The following FUBP3 variants were observed in gnomAD, a reference collection of about 807,000 sequenced individuals.
The protein encoded by FUBP3 is far upstream element-binding protein 3.
FUBP3 carries 28 observed loss-of-function variants against 85.6 expected under a neutral mutation model. The ratio of observed to expected loss-of-function variants is 0.33; its 90% CI spans 0.24 to 0.45. The LOEUF (loss-of-function observed/expected upper bound fraction) is 0.45. FUBP3 is among the 20% of genes least tolerant of loss of function. The pLI, the probability that FUBP3 is intolerant of heterozygous loss-of-function variation, is 1.00. For synonymous variants in FUBP3, 271 were observed against 271.4 expected (o/e 1.00, Z 0.01); for missense variants, 583 against 755.1 (o/e 0.77, Z 2.67).
chr9:130,598,093 C>A (rs1830959144), intron 2 of FUBP3, among the ~76,000 whole-genome samples: 1 of 152,222 alleles, frequency 6.6e-6, no homozygotes, highest in Non-Finnish European at 1.5e-5. Context: ...AAGTGAGATT[C>A]TGGACCTACT....
chr9:130,596,595 C>T (rs1298182686), intron 2 of FUBP3: 4 of 380,974 alleles, frequency 1.0e-5, no homozygotes, highest in South Asian at 1.9e-5. Flanking sequence ...CTCCTGGGCT[C>T]GAGTGATCCT....
At chr9:130,593,294 C>T (rs552238832) in intron 1 of FUBP3, among the ~76,000 whole-genome samples, 4 of 152,298 alleles carry the variant, frequency 2.6e-5, no homozygotes, top group Admixed American at 2.0e-4. Flanking sequence ...TTAACTTCCC[C>T]CAGCTGCTGA....
chr9:130,623,463 T>A (rs1278414433), intron 10 of FUBP3, 148 bp from the exon 11 acceptor site: 1 of 599,010 alleles, frequency 1.7e-6, no homozygotes, highest in Non-Finnish European at 3.0e-6. Flanking sequence ...ATCACCCACA[T>A]CACTCCAAAA....
At chr9:130,603,204 G>A (rs1327787368) in intron 2 of FUBP3, among the ~76,000 whole-genome samples, 1 of 152,042 alleles carries the variant, frequency 6.6e-6, no homozygotes, top group Non-Finnish European at 1.5e-5. Flanking sequence ...AAAATTAGCT[G>A]GATGTGGTGG....
chr9:130,603,346 C>CAAAAA (rs1588132389), intron 2 of FUBP3, among the ~76,000 whole-genome samples: 2 of 34,888 alleles, frequency 5.7e-5, no homozygotes, highest in East Asian at 2.1e-3. Context: ...GACTCTGTCT[C>CAAAAA]CAAAAAAAAA....
intron 6 of FUBP3, among the ~76,000 whole-genome samples, chr9:130,615,538 A>C (rs1175066320): frequency 6.6e-6 from 1 of 151,460 alleles, no homozygotes; most frequent in Non-Finnish European, 1.5e-5. Context: ...TTAGAGAATC[A>C]ATACGAGAAA....
intron 12 of FUBP3, among the ~76,000 whole-genome samples, chr9:130,626,786 A>C (rs553329608): frequency 6.6e-6 from 1 of 152,272 alleles, no homozygotes; most frequent in East Asian, 1.9e-4. Flanking sequence ...CTTGGTGAAA[A>C]GATACCTTGC....
chr9:130,605,938 C>T (rs867670026), intron 2 of FUBP3, among the ~76,000 whole-genome samples: 6 of 140,130 alleles, frequency 4.3e-5, no homozygotes, highest in Non-Finnish European at 6.6e-5. Flanking sequence ...GAGCCGAGAT[C>T]GCGCCGCTGC....
Position 130,612,340 on chromosome 9 carries a change from C to A in FUBP3, c.225-116C>A. 1.5e-6 allele frequency: 1 copy of A among 664,800 alleles called. No homozygotes were observed. The allele number at this position is 664,800 out of a possible 1,614,324, so 41.2% of individuals were successfully genotyped here. ...TGGTGGATTTGTTGGCCAAATTGGC[C>A]TGATGTATTTTAAGCTTTTATCATG... is the stretch of plus-strand genomic sequence containing the variant. On this transcript the variant is annotated intron_variant, in intron 3 of 18. Coordinates refer to ENST00000319725, the MANE Select transcript of FUBP3 (RefSeq NM_003934.2). The surrounding 1 kb of genome is among the most constrained non-coding windows in gnomAD (Gnocchi z 4.1).
chr9:130,631,569 G>A lies in FUBP3; in HGVS notation c.1291G>A (p.Gly431Arg), dbSNP rs549143328. The A allele has an allele frequency of 2.4e-5, 38 of 1,613,898 alleles. No homozygotes were observed. The African/African-American group carries it at 3.1e-4, about 13-fold the overall frequency. The change falls in exon 14 of 19, where the codon GGA becomes AGA. Residue 431 changes from glycine to arginine, a missense_variant. This residue lies in a region of FUBP3 where 404 missense variants were observed against 516.8 expected (regional missense o/e 0.78). Transcript: ENST00000319725. ...IDEKVGGTNLGAPGAFGQSPF... is the reference protein window; with the variant it reads ...IDEKVGGTNLRAPGAFGQSPF... Reference sequence around the variant, plus strand: ...TGTGCCCCCACAGGGGACCAATCTCGGAGCACCTGGAGCCTTCGGACAGAG... The same window carrying A: ...TGTGCCCCCACAGGGGACCAATCTCAGAGCACCTGGAGCCTTCGGACAGAG...
intron 9 of FUBP3, 62 bp from the exon 10 acceptor site, chr9:130,622,645 AG>A: frequency 1.3e-6 from 1 of 743,184 alleles, no homozygotes; most frequent in South Asian, 1.8e-5. Flanking sequence ...AAAAAAAAAA[AG>A]TGCCCTTTAA....
At chr9:130,587,997 C>A (rs1277563507) in intron 1 of FUBP3, among the ~76,000 whole-genome samples, 3 of 152,182 alleles carry the variant, frequency 2.0e-5, no homozygotes, top group Non-Finnish European at 4.4e-5. Context: ...TCATAGAATT[C>A]TTTATTTCAA....
rs370986856 is a variant in FUBP3 at position 130,632,323 on chromosome 9, C to T, written c.1510+45C>T. 2.9e-5 allele frequency: 42 copies of T among 1,471,120 alleles called. 1 individual carries two copies. The highest frequency in any genetic ancestry group is 2.4e-4 in the South Asian group (21 of 87,880). 91.1% of individuals were successfully genotyped at this position (1,471,120 alleles called of 1,614,324 possible). A position where few individuals can be genotyped will look rare whatever the true frequency, so the allele number is the denominator to read the frequency against. ...GAGTGCATGCCCTCCAGAAAGGTTG[C>T]GGCCCACAGAAGTCCTGGGGCCAAA... On this transcript the variant is annotated intron_variant, in intron 16 of 18. Transcript: ENST00000319725.
At chr9:130,631,416 AG>A in intron 13 of FUBP3, 140 bp from the exon 14 acceptor site, 1 of 1,285,960 alleles carries the variant, frequency 7.8e-7, no homozygotes, top group Non-Finnish European at 1.1e-6. Context: ...GTGGGAAGGA[AG>A]GCTAGTGTGA....
chr9:130,587,003 C>T (rs2119005495), intron 1 of FUBP3, among the ~76,000 whole-genome samples: 1 of 151,882 alleles, frequency 6.6e-6, no homozygotes, highest in African/African-American at 2.4e-5. Flanking sequence ...CCTGCCTCGG[C>T]CTCCCAAAGT....
At chr9:130,602,875 T>G (rs1831223779) in intron 2 of FUBP3, among the ~76,000 whole-genome samples, 1 of 152,096 alleles carries the variant, frequency 6.6e-6, no homozygotes, top group African/African-American at 2.4e-5. Context: ...TGGGCCTTTC[T>G]GAGAGTCACG....
rs1210414256 is a variant in FUBP3 at position 130,613,051 on chromosome 9, A to G, written c.346+24A>G. 2.7e-6 allele frequency: 4 copies of G among 1,472,166 alleles called. No individual in the cohort carries two copies. In the Admixed American group the frequency reaches 6.8e-5, roughly 25 times the overall value. 91.2% of individuals were successfully genotyped at this position (1,472,166 alleles called of 1,614,324 possible). A position where few individuals can be genotyped will look rare whatever the true frequency, so the allele number is the denominator to read the frequency against. ...AGGTAAGGGCTTTTTAAAAATAGAT[A>G]TCAATTTTGTAGAAATCAGTATTTT... On this transcript the variant is annotated intron_variant, in intron 5 of 18. Coordinates refer to ENST00000319725, the MANE Select transcript of FUBP3 (RefSeq NM_003934.2).
intron 11 of FUBP3, among the ~76,000 whole-genome samples, chr9:130,625,885 C>T (rs1347088721): frequency 1.3e-5 from 2 of 152,126 alleles, no homozygotes; most frequent in Non-Finnish European, 2.9e-5. Flanking sequence ...ATCCTTCTTG[C>T]TGACTGGAGT....
Position 130,609,486 on chromosome 9 carries a change from G to A in FUBP3, c.191-468G>A, listed in dbSNP as rs547476071. The stretch of plus-strand genomic sequence containing the variant: ...GGCACCAGGGGGCGTCTCCTCCCCC[G>A]TGGCCAGGAGGAGCATATGTGCGTG... On this transcript the variant is annotated intron_variant, in intron 2 of 18. Transcript: ENST00000319725. Among the ~76,000 whole-genome samples the A allele has an allele frequency of 8.3e-4, 126 of 152,272 alleles. 1 individual carries two copies. Among genetic ancestry groups the A allele is most frequent in the African/African-American group, 2.9e-3 (119 of 41,542 alleles).
Sources: allele counts gnomAD v4.1 joint callset (sites outside exome capture counted in the v4.1 genomes callset), GRCh38; gene constraint gnomAD v4.1.1; regional missense constraint gnomAD v4.1.1; non-coding constraint Gnocchi (gnomAD v3.1); transcripts MANE v1.5; gene names NCBI Gene and HGNC (gene_info 2026-07-23, HGNC 2026-07-21).